Variants in OR1J2 observed in about 807,000 individuals in gnomAD.
OR1J2 encodes the protein olfactory receptor family 1 subfamily J member 2.
For missense variants in OR1J2, 304 were observed against 246.1 expected (o/e 1.24, Z -1.57); for synonymous variants, 142 against 99.7 (o/e 1.42, Z -2.52).
the OR1J2 span, among the ~76,000 whole-genome samples, chr9:122,547,195 C>T: frequency 1.3e-5 from 2 of 151,920 alleles, no homozygotes; most frequent in African/African-American, 2.4e-5. Flanking sequence ...AAATACTTTA[C>T]TTTGTTTTAT....
upstream of OR1J2, among the ~76,000 whole-genome samples, chr9:122,508,622 C>T (rs1329076657): frequency 6.6e-6 from 1 of 152,138 alleles, no homozygotes; most frequent in Non-Finnish European, 1.5e-5. Flanking sequence ...AGGATTAGCT[C>T]TGCTGAGTGA....
chr9:122,469,437 A>G, the OR1J2 span, among the ~76,000 whole-genome samples: 5 of 152,192 alleles, frequency 3.3e-5, no homozygotes. Flanking sequence ...ACCTCCCACT[A>G]TGATTCTGAG....
upstream of OR1J2, among the ~76,000 whole-genome samples, chr9:122,507,753 C>T (rs1401881284): frequency 6.6e-6 from 1 of 152,118 alleles, no homozygotes; most frequent in African/African-American, 2.4e-5. Context: ...ATAATTTTCT[C>T]CTGCGTGTAA....
chr9:122,501,901 C>A, the OR1J2 span, among the ~76,000 whole-genome samples: 1 of 152,138 alleles, frequency 6.6e-6, no homozygotes, highest in Non-Finnish European at 1.5e-5. Flanking sequence ...AAATTATCAC[C>A]TGGTAACTGA....
chr9:122,518,790 T>G, the OR1J2 span, among the ~76,000 whole-genome samples: 1 of 152,212 alleles, frequency 6.6e-6, no homozygotes, highest in Non-Finnish European at 1.5e-5. Context: ...ACATGAAGGC[T>G]CATGACTAGC....
the OR1J2 span, among the ~76,000 whole-genome samples, chr9:122,542,522 A>G: frequency 6.6e-6 from 1 of 152,190 alleles, no homozygotes; most frequent in African/African-American, 2.4e-5. Flanking sequence ...ACATTGTATT[A>G]GAAAATTTTA....
the OR1J2 span, among the ~76,000 whole-genome samples, chr9:122,495,013 C>G: frequency 1.9e-3 from 284 of 152,288 alleles, 1 homozygote; most frequent in African/African-American, 6.5e-3. Context: ...AAATAGGACC[C>G]TAATCCCTTC....
At chr9:122,535,135 TG>T in the OR1J2 span, among the ~76,000 whole-genome samples, 7 of 149,070 alleles carry the variant, frequency 4.7e-5, no homozygotes, top group Non-Finnish European at 7.4e-5. Flanking sequence ...AGAGAAGGGA[TG>T]GGGGGTTCTT....
the OR1J2 span, chr9:122,526,806 C>T: frequency 8.9e-5 from 143 of 1,613,296 alleles, 1 homozygote; most frequent in East Asian, 1.6e-4. Context: ...GAAGGACAAC[C>T]GAGCCATGAG....
the OR1J2 span, among the ~76,000 whole-genome samples, chr9:122,542,495 T>G: frequency 6.6e-6 from 1 of 152,188 alleles, no homozygotes; most frequent in African/African-American, 2.4e-5. Context: ...AACTAGTAGT[T>G]TCAGTCTTCT....
At chr9:122,498,433 C>A in the OR1J2 span, among the ~76,000 whole-genome samples, 1 of 152,166 alleles carries the variant, frequency 6.6e-6, no homozygotes, top group Non-Finnish European at 1.5e-5. Context: ...ATTGATGAAG[C>A]TTTCACTTAT....
the OR1J2 span, among the ~76,000 whole-genome samples, chr9:122,497,287 C>T: frequency 6.6e-6 from 1 of 152,306 alleles, no homozygotes. Flanking sequence ...TCCCCACGTG[C>T]TTCTCTGTCC....
chr9:122,466,092 A>T, the OR1J2 span, among the ~76,000 whole-genome samples: 2 of 152,160 alleles, frequency 1.3e-5, no homozygotes, highest in African/African-American at 4.8e-5. Flanking sequence ...CAGTTGGTTC[A>T]TATACTTTTT....
the OR1J2 span, among the ~76,000 whole-genome samples, chr9:122,488,583 G>T: frequency 6.6e-6 from 1 of 152,142 alleles, no homozygotes; most frequent in Non-Finnish European, 1.5e-5. Flanking sequence ...TTTATTTTTG[G>T]TTAGTGATGA....
chr9:122,468,328 CT>C, the OR1J2 span, among the ~76,000 whole-genome samples: 1 of 152,192 alleles, frequency 6.6e-6, no homozygotes, highest in Non-Finnish European at 1.5e-5. Flanking sequence ...GAAATGCCAA[CT>C]TTGTGAGTGG....
the OR1J2 span, chr9:122,477,995 G>A: frequency 7.6e-6 from 8 of 1,059,466 alleles, no homozygotes; most frequent in East Asian, 1.9e-4. Flanking sequence ...AATAAGAAAT[G>A]ATAACTGTGG....
the OR1J2 span, among the ~76,000 whole-genome samples, chr9:122,556,833 A>T: frequency 1.3e-5 from 2 of 152,194 alleles, no homozygotes; most frequent in African/African-American, 4.8e-5. Context: ...TCTATTAATC[A>T]AGTTGGGAAG....
the OR1J2 span, chr9:122,526,552 CACAA>C: frequency 6.8e-6 from 11 of 1,612,176 alleles, no homozygotes; most frequent in Non-Finnish European, 8.5e-6. Flanking sequence ...CCATAGAACA[CACAA>C]ACAACGCAGA....
At chr9:122,465,449 A>G in the OR1J2 span, among the ~76,000 whole-genome samples, 13 of 152,258 alleles carry the variant, frequency 8.5e-5, no homozygotes, top group African/African-American at 1.7e-4. Context: ...TGCAGGCTCT[A>G]TGTTTTAAAA....
Sources: allele counts gnomAD v4.1 joint callset (sites outside exome capture counted in the v4.1 genomes callset), GRCh38; gene constraint gnomAD v4.1.1; transcripts MANE v1.5; gene names NCBI Gene and HGNC (gene_info 2026-07-23, HGNC 2026-07-21).